SLCO5A1: variants seen among roughly 807,000 people sequenced by gnomAD.
The protein encoded by SLCO5A1 is solute carrier organic anion transporter family member 5A1, also known as organic anion transporter polypeptide-related protein 4.
A neutral mutation model predicts 65.1 loss-of-function variants in SLCO5A1; 39 were observed. That is an observed-to-expected ratio of 0.60 (90% confidence interval 0.46 to 0.78). The LOEUF (loss-of-function observed/expected upper bound fraction) is 0.78. SLCO5A1 is among the 30% of genes least tolerant of loss of function. SLCO5A1 has a pLI of 0.00. For synonymous variants in SLCO5A1, 438 were observed against 415.7 expected (o/e 1.05, Z -0.65); for missense variants, 1,029 against 1,069.4 (o/e 0.96, Z 0.53).
chr8:69,786,730 C>A (rs1477882842), intron 2 of SLCO5A1, among the ~76,000 whole-genome samples: 1 of 152,170 alleles, frequency 6.6e-6, no homozygotes, highest in Non-Finnish European at 1.5e-5. Flanking sequence ...ACTTGGTCAT[C>A]TAGAATCCCT....
At chr8:69,818,765 A>G (rs998826177) in intron 2 of SLCO5A1, among the ~76,000 whole-genome samples, 2 of 152,264 alleles carry the variant, frequency 1.3e-5, no homozygotes, top group South Asian at 2.1e-4. Flanking sequence ...TCAAAATTCA[A>G]TCATTACTGT....
At chr8:69,786,529 T>C (rs1586799628) in intron 2 of SLCO5A1, among the ~76,000 whole-genome samples, 1 of 152,222 alleles carries the variant, frequency 6.6e-6, no homozygotes, top group African/African-American at 2.4e-5. Context: ...GTGCAATGCA[T>C]CTTAGCAGCT....
At chr8:69,701,098 A>G (rs1012752184) in intron 6 of SLCO5A1, among the ~76,000 whole-genome samples, 1 of 152,026 alleles carries the variant, frequency 6.6e-6, no homozygotes, top group Non-Finnish European at 1.5e-5. Context: ...GACTCCAAGG[A>G]GTGGGGAAAT....
Position 69,783,293 on chromosome 8 carries a change from G to T in SLCO5A1, c.908-21418C>A, listed in dbSNP as rs1818878574. 1.3e-5 allele frequency among the ~76,000 whole-genome samples: 2 copies of T among 151,926 alleles called. 1 individual carries two copies. The highest frequency in any genetic ancestry group is 4.1e-4 in the South Asian group (2 of 4,820). On this transcript the variant is annotated intron_variant, in intron 2 of 9. Transcript: ENST00000260126. ...GACTATAGTCAATAATAACTTAATT[G>T]TATATTTTAAAATAACTTTTAAAAT... is the stretch of plus-strand genomic sequence containing the variant.
chr8:69,803,968 C>T (rs1272079492), intron 2 of SLCO5A1, among the ~76,000 whole-genome samples: 1 of 152,070 alleles, frequency 6.6e-6, no homozygotes, highest in Non-Finnish European at 1.5e-5. Context: ...GTTTGAGTTC[C>T]ACACCCCCTT....
At chr8:69,788,679 T>C (rs1229990429) in intron 2 of SLCO5A1, among the ~76,000 whole-genome samples, 2 of 152,184 alleles carry the variant, frequency 1.3e-5, no homozygotes, top group African/African-American at 4.8e-5. Flanking sequence ...TGATTATACA[T>C]ATAATTATCA....
chr8:69,756,579 A>G (rs1817550928), intron 3 of SLCO5A1, among the ~76,000 whole-genome samples: 6 of 152,240 alleles, frequency 3.9e-5, no homozygotes. Context: ...TGCAAAATGT[A>G]TATAATTAAA....
chr8:69,731,211 G>C (rs1816324213), intron 5 of SLCO5A1, among the ~76,000 whole-genome samples: 1 of 152,126 alleles, frequency 6.6e-6, no homozygotes, highest in Non-Finnish European at 1.5e-5. Context: ...TGCTGGCCAG[G>C]CTAGTCTCAA....
intron 2 of SLCO5A1, among the ~76,000 whole-genome samples, chr8:69,779,154 C>A (rs1818699688): frequency 6.6e-6 from 1 of 152,106 alleles, no homozygotes; most frequent in African/African-American, 2.4e-5. Flanking sequence ...TATAATAAAC[C>A]GTGGCAGTCT....
intron 6 of SLCO5A1, among the ~76,000 whole-genome samples, chr8:69,692,115 G>A (rs902666085): frequency 1.3e-5 from 2 of 152,206 alleles, no homozygotes; most frequent in East Asian, 1.9e-4. Flanking sequence ...TAGGTGTGGT[G>A]GCGGGCGCCT....
At chr8:69,790,561 G>T (rs932071860) in intron 2 of SLCO5A1, among the ~76,000 whole-genome samples, 2 of 152,082 alleles carry the variant, frequency 1.3e-5, no homozygotes, top group African/African-American at 4.8e-5. Flanking sequence ...AATCACTTGA[G>T]CCCAGGAGTG....
intron 2 of SLCO5A1, among the ~76,000 whole-genome samples, chr8:69,830,783 G>A (rs973487743): frequency 6.6e-6 from 1 of 152,128 alleles, no homozygotes; most frequent in African/African-American, 2.4e-5. Context: ...GCTGACTTAT[G>A]CAAGTCAACA....
Position 69,832,981 on chromosome 8 carries a change from C to G in SLCO5A1, c.-308G>C. 1.1e-5 allele frequency: 4 copies of G among 378,672 alleles called. No individual in the cohort carries two copies. The highest frequency in any genetic ancestry group is 1.4e-5 in the Non-Finnish European group (3 of 217,206). The allele number at this position is 378,672 out of a possible 1,614,324, so 23.5% of individuals were successfully genotyped here. On this transcript the variant is annotated 5_prime_UTR_variant, in exon 2 of 10. Coordinates refer to ENST00000260126, the MANE Select transcript of SLCO5A1 (RefSeq NM_030958.3). This position sits in a 1 kb window ranked among gnomAD's most constrained non-coding sequence, Gnocchi z 4.5. ...CTTGAGGCAGGCGCCTCGCGCGTCC[C>G]GGGCTCATCCCCTCCGCCGCCGCCG...
chr8:69,702,656 A>T (rs780278124), intron 6 of SLCO5A1, among the ~76,000 whole-genome samples: 2 of 152,244 alleles, frequency 1.3e-5, no homozygotes, highest in Non-Finnish European at 2.9e-5. Context: ...AGATGAAATC[A>T]AAGCTTTTGT....
At chr8:69,742,794 CTTTTT>C (rs10633803) in intron 4 of SLCO5A1, among the ~76,000 whole-genome samples, 4 of 83,194 alleles carry the variant, frequency 4.8e-5, no homozygotes, top group Non-Finnish European at 6.4e-5. Context: ...TGAGTGGATT[CTTTTT>C]TTTTTTTTTT....
At chr8:69,690,756 G>A (rs1304575548) in intron 6 of SLCO5A1, among the ~76,000 whole-genome samples, 1 of 152,198 alleles carries the variant, frequency 6.6e-6, no homozygotes, top group Non-Finnish European at 1.5e-5. Context: ...CTGTCCAACA[G>A]TCTCGGCCAA....
Position 69,693,561 on chromosome 8 carries a change from G to T in SLCO5A1, c.1623-11218C>A, listed in dbSNP as rs1182589944. Among the ~76,000 whole-genome samples, 6 of 152,192 alleles carry T rather than the reference G, an allele frequency of 3.9e-5. No individual in the cohort carries two copies. The East Asian group carries it at 1.2e-3, about 29-fold the overall frequency. ...TAGTGTAATAATCAAAAGTATTGCA[G>T]CATTGCATCCAGAACCAAAGAAACC... On this transcript the variant is annotated intron_variant, in intron 6 of 9. Transcript: ENST00000260126.
intron 5 of SLCO5A1, among the ~76,000 whole-genome samples, chr8:69,735,611 T>C (rs1333742784): frequency 6.6e-6 from 1 of 152,114 alleles, no homozygotes; most frequent in Non-Finnish European, 1.5e-5. Context: ...AAGTAGGAGC[T>C]GAATGGTAAG....
At chr8:69,744,015 A>G (rs1816916508) in intron 4 of SLCO5A1, among the ~76,000 whole-genome samples, 1 of 152,114 alleles carries the variant, frequency 6.6e-6, no homozygotes, top group Non-Finnish European at 1.5e-5. Context: ...GCACATCCCT[A>G]TCTGCCAGGG....
Sources: allele counts gnomAD v4.1 joint callset (sites outside exome capture counted in the v4.1 genomes callset), GRCh38; gene constraint gnomAD v4.1.1; non-coding constraint Gnocchi (gnomAD v3.1); transcripts MANE v1.5; gene names NCBI Gene and HGNC (gene_info 2026-07-23, HGNC 2026-07-21).